PYHIN1: variants seen among roughly 807,000 people sequenced by gnomAD.
PYHIN1 encodes the protein pyrin and HIN domain-containing protein 1.
In PYHIN1, 32 loss-of-function variants were observed where a neutral mutation model predicts 43.7. That is an observed-to-expected ratio of 0.73 (90% CI 0.55 to 0.98). The LOEUF (loss-of-function observed/expected upper bound fraction) is 0.98, where lower values mean the gene tolerates loss of function less well. Ranked by LOEUF, PYHIN1 falls within the 50% of genes least tolerant of loss-of-function variation. The probability of loss-of-function intolerance (pLI) is 0.00; values close to 1 mark genes in which losing one functional copy is unlikely to be tolerated. For synonymous variants in PYHIN1, 205 were observed against 203.1 expected (o/e 1.01, Z -0.08); for missense variants, 588 against 589.5 (o/e 1.00, Z 0.03).
In PYHIN1 at chr1:158,975,904, C is replaced by T. The variant is rs151216672; in HGVS notation, c.*6-797C>T. Among the ~76,000 whole-genome samples the T allele has an allele frequency of 1.0e-3, 154 of 152,190 alleles. 1 individual carries two copies. In the Middle Eastern group the frequency reaches 0.017, roughly 17 times the overall value. ...AGTATGCAGAATGACTCAGACTATT[C>T]TAAGGGTTTTTCAATAATTATCTTC... is the stretch of plus-strand genomic sequence containing the variant. On this transcript the variant is annotated intron_variant, in intron 8 of 8. Transcript: ENST00000368140.
chr1:158,952,875 G>A (rs1317961592), intron 7 of PYHIN1, among the ~76,000 whole-genome samples: 6 of 152,208 alleles, frequency 3.9e-5, no homozygotes, highest in Non-Finnish European at 1.5e-5. Flanking sequence ...GCCAGACAGT[G>A]GGCGCAGGTC....
chr1:158,965,479 C>T (rs1221515668), intron 7 of PYHIN1, among the ~76,000 whole-genome samples: 6 of 151,934 alleles, frequency 3.9e-5, no homozygotes, highest in Non-Finnish European at 8.8e-5. Flanking sequence ...ACTCTGAAGT[C>T]GACCACACGA....
intron 7 of PYHIN1, among the ~76,000 whole-genome samples, chr1:158,945,936 A>G (rs72704922): frequency 0.11 from 16,994 of 151,578 alleles, 1,100 homozygotes; most frequent in Non-Finnish European, 0.12. Context: ...ACTCAAACAT[A>G]AAAAAAAAGT....
rs767043980 is a variant in PYHIN1, at chr1:158,976,773, C to T, written c.*78C>T. On this transcript the variant is annotated 3_prime_UTR_variant, in exon 9 of 9. Coordinates refer to ENST00000368140, the MANE Select transcript of PYHIN1 (RefSeq NM_152501.5). ...AAGTGTGGAAATTTTGCCTGAAGTC[C>T]TCCACCTAAAAACCTGATGCCATTG... 1.3e-6 allele frequency: 2 copies of T among 1,506,848 alleles called. No homozygotes were observed. Among genetic ancestry groups the T allele is most frequent in the Non-Finnish European group, 1.8e-6 (2 of 1,090,242 alleles). The allele number at this position is 1,506,848 out of a possible 1,614,324, so 93.3% of individuals were successfully genotyped here.
chr1:158,940,675 A>G (rs1648862300), intron 4 of PYHIN1, among the ~76,000 whole-genome samples: 1 of 152,240 alleles, frequency 6.6e-6, no homozygotes, highest in Admixed American at 6.5e-5. Context: ...AAACCACACC[A>G]CCAACCTTAA....
chr1:158,936,667 C>G (rs1428853950), intron 1 of PYHIN1, among the ~76,000 whole-genome samples: 2 of 152,114 alleles, frequency 1.3e-5, no homozygotes, highest in East Asian at 3.9e-4. Context: ...TAAAAACTCT[C>G]AATAAATTAG....
intron 7 of PYHIN1, among the ~76,000 whole-genome samples, chr1:158,958,598 G>T (rs1397032440): frequency 8.3e-6 from 1 of 120,958 alleles, no homozygotes; most frequent in Non-Finnish European, 1.6e-5. Flanking sequence ...ACACTCTGGG[G>T]ACTGTGGTGG....
Position 158,976,756 on chromosome 1 carries a change from A to C in PYHIN1, c.*61A>C. ...CTGTTCAATCTTTACTCAAGTGTGG[A>C]AATTTTGCCTGAAGTCCTCCACCTA... On this transcript the variant is annotated 3_prime_UTR_variant, in exon 9 of 9. Transcript: ENST00000368140. 3 of 1,594,396 alleles carry C rather than the reference A, an allele frequency of 1.9e-6. No individual in the cohort carries two copies. The highest frequency in any genetic ancestry group is 2.6e-6 in the Non-Finnish European group (3 of 1,167,648).
chr1:158,968,957 T>A (rs375028119), intron 7 of PYHIN1, among the ~76,000 whole-genome samples: 45 of 152,072 alleles, frequency 3.0e-4, no homozygotes, highest in African/African-American at 1.1e-3. Context: ...TCAAGCTTAA[T>A]ACCTGGGTGA....
chr1:158,947,125 G>A (rs1649266483), intron 7 of PYHIN1, among the ~76,000 whole-genome samples: 1 of 152,072 alleles, frequency 6.6e-6, no homozygotes, highest in African/African-American at 2.4e-5. Flanking sequence ...ATCATGACAG[G>A]TAACTCATTG....
chr1:158,962,832 A>G (rs1384358262), intron 7 of PYHIN1, among the ~76,000 whole-genome samples: 3 of 152,016 alleles, frequency 2.0e-5, no homozygotes, highest in African/African-American at 7.3e-5. Flanking sequence ...ACGGTCTGCT[A>G]GTAACTCTGT....
chr1:158,973,537 A>G, intron 7 of PYHIN1, 110 bp from the exon 8 acceptor site: 1 of 1,067,570 alleles, frequency 9.4e-7, no homozygotes, highest in Non-Finnish European at 1.4e-6. Context: ...ACACACACAC[A>G]TATACACACA....
chr1:158,966,348 G>A (rs976030136), intron 7 of PYHIN1, among the ~76,000 whole-genome samples: 1 of 151,986 alleles, frequency 6.6e-6, no homozygotes, highest in Non-Finnish European at 1.5e-5. Context: ...AAACTGGGGA[G>A]GAGGGACTCC....
At chr1:158,958,799 A>G (rs960312120) in intron 7 of PYHIN1, among the ~76,000 whole-genome samples, 1 of 139,868 alleles carries the variant, frequency 7.1e-6, no homozygotes, top group East Asian at 2.1e-4. Context: ...AAAAAAAAAA[A>G]GATTTCTCCC....
At chr1:158,939,689 T>G in intron 4 of PYHIN1, 1 of 635,718 alleles carries the variant, frequency 1.6e-6, no homozygotes, top group Non-Finnish European at 2.8e-6. Context: ...AATATTGAGA[T>G]CTTATCCTCA....
intron 7 of PYHIN1, among the ~76,000 whole-genome samples, chr1:158,960,209 T>A (rs1372481225): frequency 6.6e-6 from 1 of 152,258 alleles, no homozygotes; most frequent in Non-Finnish European, 1.5e-5. Context: ...CTGTGTCTTT[T>A]TGCCAACTTG....
At chr1:158,962,005 C>T (rs762836988) in intron 7 of PYHIN1, among the ~76,000 whole-genome samples, 9 of 152,156 alleles carry the variant, frequency 5.9e-5, no homozygotes, top group Non-Finnish European at 1.0e-4. Flanking sequence ...GCTCATGGGC[C>T]GGTAGCAGCT....
In PYHIN1 at chr1:158,938,400, C is replaced by T. The variant is rs759748194; in HGVS notation, c.269C>T (p.Ala90Val). 2 of 1,614,052 alleles carry T rather than the reference C, an allele frequency of 1.2e-6. No individual in the cohort carries two copies. The highest frequency in any genetic ancestry group is 1.1e-5 in the South Asian group (1 of 91,056). Residue 90 changes from alanine to valine, a missense_variant, in exon 3 of 9, where the codon GCA becomes GTA. Coordinates refer to ENST00000368140, the MANE Select transcript of PYHIN1 (RefSeq NM_152501.5). ...ATCTTCCTTTTTTCTGCATTAGTTG[C>T]AAATAAAATTGAATCCATTCCAGTC... is the stretch of plus-strand genomic sequence containing the variant. Reference protein sequence around the residue: ...ETLKREKLKVANKIESIPVKG... With the variant: ...ETLKREKLKVVNKIESIPVKG...
intron 2 of PYHIN1, among the ~76,000 whole-genome samples, 198 bp downstream of exon 2, chr1:158,937,373 G>A (rs569338350): frequency 2.2e-4 from 33 of 152,150 alleles, no homozygotes; most frequent in African/African-American, 6.5e-4. Context: ...GACGTATATC[G>A]GAGTTGAGGT....
Sources: gnomAD v4.1 joint callset for allele counts (sites outside exome capture counted in the v4.1 genomes callset) on GRCh38, gnomAD v4.1.1 for gene constraint, MANE v1.5 for transcripts, NCBI Gene and HGNC (gene_info 2026-07-23, HGNC 2026-07-21) for gene names.